The following ZNF451 variants were observed in gnomAD, a reference collection of about 807,000 sequenced individuals.
The protein encoded by ZNF451 is zinc finger protein 451.
Under a neutral mutation model 107.1 loss-of-function variants are expected in ZNF451, and 80 were observed. The observed-to-expected ratio is 0.75, with a 90% confidence interval of 0.62 to 0.90. The LOEUF (loss-of-function observed/expected upper bound fraction) is 0.90. Ranked by LOEUF, ZNF451 falls within the 40% of genes least tolerant of loss-of-function variation. The pLI is 0.00. For synonymous variants in ZNF451, 362 were observed against 406.5 expected (o/e 0.89, Z 1.32); for missense variants, 1,107 against 1,236.2 (o/e 0.90, Z 1.57).
At chr6:57,150,651 T>C (rs533085030) in intron 10 of ZNF451, 68 bp from the exon 11 acceptor site, 19 of 1,489,616 alleles carry the variant, frequency 1.3e-5, no homozygotes, top group African/African-American at 2.8e-5. Context: ...TAATACTTTT[T>C]GGACTTGAAA....
chr6:57,133,055 C>T lies in ZNF451; in HGVS notation c.438C>T (p.Gly146=), dbSNP rs1296034659. ...CTGATGATGCAGGACTCAAAACAGG[C>T]ACAATTAATTGTGGAACAAAAAGTT... ...QWLKMPGLKT[G]TINCGTKSSF... Residue 146 remains glycine, a synonymous_variant, in exon 6 of 15, where the codon GGC becomes GGT. Transcript: ENST00000370706. 1 of 1,613,982 alleles carries T rather than the reference C, an allele frequency of 6.2e-7. No individual in the cohort carries two copies.
chr6:57,106,292 T>C (rs890754482), intron 3 of ZNF451: 2 of 982,006 alleles, frequency 2.0e-6, no homozygotes, highest in African/African-American at 3.5e-5. Context: ...AGTTTAAAGA[T>C]TGCAATAAGT....
intron 2 of ZNF451, among the ~76,000 whole-genome samples, chr6:57,095,981 G>A (rs558151212): frequency 6.6e-6 from 1 of 151,666 alleles, no homozygotes; most frequent in Non-Finnish European, 1.5e-5. Flanking sequence ...ACACCACCAC[G>A]CCCAGCTAAT....
At position 57,153,960 on chromosome 6, in the gene ZNF451, CAG is replaced by C; in HGVS notation, c.2986_2987del (p.Arg996AlafsTer21). The stretch of plus-strand genomic sequence containing the variant: ...GCTAGAGAATCAATTTAAGAAGACT[CAG>C]AGGCCAGCTCATATACTAAACCCTC... ...LELENQFKKT[Q>X]RPAHILNPHH... On this transcript the variant is annotated frameshift_variant, in exon 13 of 15. Transcript: ENST00000370706. LOFTEE classifies it high-confidence loss of function. 1 of 1,614,158 alleles carries C rather than the reference CAG, an allele frequency of 6.2e-7. No homozygotes were observed. The highest frequency in any genetic ancestry group is 8.5e-7 in the Non-Finnish European group (1 of 1,180,032).
At chr6:57,158,856 T>C in intron 13 of ZNF451, 10 of 985,200 alleles carry the variant, frequency 1.0e-5, no homozygotes, top group Non-Finnish European at 1.2e-5. Flanking sequence ...GATGAGTGGG[T>C]TAGAAGCAGT....
chr6:57,107,392 A>G lies in ZNF451; in HGVS notation c.186+8251A>G. ...AGAAGAGATATTCTAGTTTCTTCTA[A>G]TGTCCCTTTTAAAAAAAATATAGCC... On this transcript the variant is annotated intron_variant, in intron 3 of 14. Coordinates refer to ENST00000370706, the MANE Select transcript of ZNF451 (RefSeq NM_001031623.3). 16 of 984,752 alleles carry G rather than the reference A, an allele frequency of 1.6e-5. No individual in the cohort carries two copies. In the South Asian group the frequency reaches 7.0e-4, roughly 43 times the overall value. The allele number at this position is 984,752 out of a possible 1,614,324, so 61.0% of individuals were successfully genotyped here.
In ZNF451 at chr6:57,130,618, G is replaced by A. The variant is rs1451747753; in HGVS notation, c.424+1778G>A. Among the ~76,000 whole-genome samples, 4 of 152,082 alleles carry A rather than the reference G, an allele frequency of 2.6e-5. No individual in the cohort carries two copies. In the East Asian group the frequency reaches 7.7e-4, roughly 29 times the overall value. On this transcript the variant is annotated intron_variant, in intron 5 of 14. Transcript: ENST00000370706. The stretch of plus-strand genomic sequence containing the variant: ...GACACTTTCAAGTCCTATACAGAAT[G>A]GTAGTCGGGCCAGTAATATGCCCTT...
At chr6:57,153,731 A>C (rs147377444) in intron 12 of ZNF451, 130 bp from the exon 13 acceptor site, 2 of 866,000 alleles carry the variant, frequency 2.3e-6, no homozygotes, top group Admixed American at 4.8e-5. Flanking sequence ...TCTTTATGTC[A>C]TACTTTGGTA....
chr6:57,141,630 G>A (rs139959225), intron 8 of ZNF451, among the ~76,000 whole-genome samples, 175 bp downstream of exon 8: 7 of 152,048 alleles, frequency 4.6e-5, no homozygotes, highest in Admixed American at 1.3e-4. Flanking sequence ...TTATTTGTAC[G>A]TATGAGTAAG....
chr6:57,110,405 A>G (rs1054967641), intron 3 of ZNF451, among the ~76,000 whole-genome samples: 3 of 152,164 alleles, frequency 2.0e-5, no homozygotes, highest in African/African-American at 7.2e-5. Flanking sequence ...TACATCTAGA[A>G]CAATTCTTTC....
chr6:57,150,931 C>CT, intron 11 of ZNF451, 69 bp downstream of exon 11: 1 of 1,553,650 alleles, frequency 6.4e-7, no homozygotes, highest in Non-Finnish European at 8.8e-7. Flanking sequence ...GTTTAAAAGG[C>CT]TCCTCTTAAA....
intron 3 of ZNF451, chr6:57,104,659 C>G: frequency 1.0e-6 from 1 of 984,716 alleles, no homozygotes; most frequent in Non-Finnish European, 1.2e-6. Flanking sequence ...ATTTTTTAAG[C>G]GTATGGTAGT....
chr6:57,154,805 A>G (rs1357839279), intron 13 of ZNF451, among the ~76,000 whole-genome samples: 1 of 152,230 alleles, frequency 6.6e-6, no homozygotes, highest in Non-Finnish European at 1.5e-5. Flanking sequence ...GTTTGAAGAT[A>G]TTAATGAATT....
rs1832145891 is a variant in ZNF451, at chr6:57,147,803, C to T, written c.1718C>T (p.Ser573Leu). Reference protein sequence around the residue: ...MDEVEGETLPSSSTTLDNLTA... With the variant: ...MDEVEGETLPLSSTTLDNLTA... ...GAGGTAGAAGGTGAAACTTTGCCAT[C>T]ATCCTCTACAACATTGGATAATTTG... is the stretch of plus-strand genomic sequence containing the variant. Residue 573 changes from serine (S) to leucine (L), a missense_variant, in exon 10 of 15, where the codon TCA becomes TTA. Physicochemically the swap from Ser to Leu is moderately radical, Grantham distance 145. Coordinates refer to ENST00000370706, the MANE Select transcript of ZNF451 (RefSeq NM_001031623.3). 1.2e-6 allele frequency: 2 copies of T among 1,614,042 alleles called. No individual in the cohort carries two copies. The highest frequency in any genetic ancestry group is 1.7e-6 in the Non-Finnish European group (2 of 1,179,990).
Position 57,169,662 on chromosome 6 carries a change from A to T in ZNF451, c.*1193A>T, listed in dbSNP as rs912678200. ...ACTAAATATTTTAGTGTGAAATTGAATTTTTTTATTACTATAGTCTTTTCA... is the reference window on the plus strand; with the variant it reads ...ACTAAATATTTTAGTGTGAAATTGATTTTTTTTATTACTATAGTCTTTTCA... On this transcript the variant is annotated 3_prime_UTR_variant, in exon 15 of 15. Coordinates refer to ENST00000370706, the MANE Select transcript of ZNF451 (RefSeq NM_001031623.3). 6.6e-6 allele frequency: 1 copy of T among 152,064 alleles called. No individual in the cohort carries two copies. Among genetic ancestry groups the T allele is most frequent in the Non-Finnish European group, 1.5e-5 (1 of 68,016 alleles). The allele number at this position is 152,064 out of a possible 1,614,324, so 9.4% of individuals were successfully genotyped here.
intron 3 of ZNF451, chr6:57,106,460 C>T (rs1829864535): frequency 3.7e-6 from 2 of 545,048 alleles, no homozygotes; most frequent in Non-Finnish European, 4.7e-6. Context: ...GCATGTGTCA[C>T]CATGACCTGC....
Position 57,147,712 on chromosome 6 carries a change from A to G in ZNF451, c.1627A>G (p.Lys543Glu), listed in dbSNP as rs746965156. Residue 543 changes from lysine (K) to glutamate (E), a missense_variant, in exon 10 of 15, where the codon AAA becomes GAA. Lys to Glu is a moderately conservative substitution (Grantham distance 56, BLOSUM62 1). This residue lies in a region of ZNF451 where 608 missense variants were observed against 649.2 expected (regional missense o/e 0.94). Transcript: ENST00000370706. The stretch of plus-strand genomic sequence containing the variant: ...GACATGCAAAAAGGAGTTAACAAGG[A>G]AAGATACTATCATGGCACATGTGAC... ...CRTCKKELTR[K>E]DTIMAHVTEF... 2 of 1,614,076 alleles carry G rather than the reference A, an allele frequency of 1.2e-6. No homozygotes were observed. The highest frequency in any genetic ancestry group is 1.7e-6 in the Non-Finnish European group (2 of 1,179,994).
intron 6 of ZNF451, among the ~76,000 whole-genome samples, chr6:57,133,652 A>G (rs896852474): frequency 6.6e-6 from 1 of 152,160 alleles, no homozygotes; most frequent in African/African-American, 2.4e-5. Flanking sequence ...CCATTTTATC[A>G]ATTTACTGAG....
At position 57,134,447 on chromosome 6, in the gene ZNF451, C is replaced by T. The variant is rs142644565; in HGVS notation, c.576-297C>T. Among the ~76,000 whole-genome samples the T allele has an allele frequency of 3.7e-3, 560 of 152,298 alleles. 7 individuals carry two copies. Among genetic ancestry groups the T allele is most frequent in the African/African-American group, 0.013 (526 of 41,564 alleles). ...CAAGAAGTAAAAGATGCTGGACTTA[C>T]AATTTTCAAACGAGAAGTTTACCAG... On this transcript the variant is annotated intron_variant, in intron 6 of 14. Transcript: ENST00000370706.
Sources: allele counts gnomAD v4.1 joint callset (sites outside exome capture counted in the v4.1 genomes callset), GRCh38; gene constraint gnomAD v4.1.1; regional missense constraint gnomAD v4.1.1; transcripts MANE v1.5; gene names NCBI Gene and HGNC (gene_info 2026-07-23, HGNC 2026-07-21).